Variants in RABGAP1L observed in about 807,000 individuals in gnomAD.
RABGAP1L encodes the protein RAB GTPase activating protein 1 like, also known as rab GTPase-activating protein 1-like.
A neutral mutation model predicts 137.7 loss-of-function variants in RABGAP1L; 63 were observed. That is an observed-to-expected ratio of 0.46 (90% CI 0.37 to 0.56). RABGAP1L has a LOEUF of 0.56. Ranked by LOEUF, RABGAP1L falls within the 20% of genes least tolerant of loss-of-function variation. The pLI is 0.00. For missense variants in RABGAP1L, 1,095 were observed against 1,244.0 expected (o/e 0.88, Z 1.80); for synonymous variants, 431 against 433.7 (o/e 0.99, Z 0.08).
chr1:174,225,494 C>CTTTTTTTTTTTTTTTTTTTTTTTTTTTT (rs59323156), intron 3 of RABGAP1L, among the ~76,000 whole-genome samples: 1 of 105,732 alleles, frequency 9.5e-6, no homozygotes, highest in African/African-American at 3.5e-5. Context: ...AGAATGTTGA[C>CTTTTTTTTTTTTTTTTTTTTTTTTTTTT]TTTTTTTTTT....
chr1:174,514,247 CA>C (rs776487855), intron 13 of RABGAP1L, among the ~76,000 whole-genome samples: 7,291 of 81,140 alleles, frequency 0.09, 197 homozygotes, highest in African/African-American at 0.2. Context: ...TATTTTAAGC[CA>C]AAAAAAAAAA....
At chr1:174,928,171 T>C (rs1471652600) in intron 19 of RABGAP1L, among the ~76,000 whole-genome samples, 3 of 152,148 alleles carry the variant, frequency 2.0e-5, no homozygotes, top group Non-Finnish European at 2.9e-5. Flanking sequence ...GGGGCCTTTA[T>C]TTAGCATTCC....
At chr1:174,983,925 T>C (rs542802198) in intron 24 of RABGAP1L, among the ~76,000 whole-genome samples, 1 of 152,286 alleles carries the variant, frequency 6.6e-6, no homozygotes, top group East Asian at 1.9e-4. Flanking sequence ...GGTCTACTTT[T>C]GCACTTCTTT....
chr1:174,958,508 T>G (rs1338674675), intron 20 of RABGAP1L, among the ~76,000 whole-genome samples: 3 of 152,214 alleles, frequency 2.0e-5, no homozygotes, highest in Non-Finnish European at 2.9e-5. Context: ...TTTTCAGCAC[T>G]GAGCAGCAGT....
intron 13 of RABGAP1L, among the ~76,000 whole-genome samples, chr1:174,488,481 TTAAC>T (rs774236566): frequency 2.6e-5 from 4 of 152,272 alleles, no homozygotes; most frequent in Admixed American, 6.5e-5. Flanking sequence ...CTTTGGGAGT[TTAAC>T]TATTAAATGT....
chr1:174,446,893 T>C (rs947558356), intron 13 of RABGAP1L, among the ~76,000 whole-genome samples: 4 of 152,178 alleles, frequency 2.6e-5, no homozygotes, highest in African/African-American at 9.6e-5. Context: ...CTATTAGAAA[T>C]ACCTAAGTAA....
At chr1:174,258,381 C>A (rs1673296258) in intron 7 of RABGAP1L, among the ~76,000 whole-genome samples, 1 of 152,072 alleles carries the variant, frequency 6.6e-6, no homozygotes, top group Admixed American at 6.5e-5. Flanking sequence ...ATTGCCTAGG[C>A]TCAAGCGATC....
chr1:174,717,231 G>A (rs905063877), intron 17 of RABGAP1L, among the ~76,000 whole-genome samples: 13 of 152,050 alleles, frequency 8.5e-5, no homozygotes, highest in Non-Finnish European at 1.3e-4. Context: ...TCAACGTGGC[G>A]AGACCCTGTG....
intron 13 of RABGAP1L, among the ~76,000 whole-genome samples, chr1:174,585,437 A>G (rs1027138361): frequency 7.2e-5 from 11 of 152,156 alleles, no homozygotes; most frequent in African/African-American, 2.7e-4. Context: ...AAATAAATCA[A>G]GTTTTCCCCA....
At chr1:174,578,260 T>G (rs995036804) in intron 13 of RABGAP1L, among the ~76,000 whole-genome samples, 30 of 152,178 alleles carry the variant, frequency 2.0e-4, no homozygotes, top group African/African-American at 6.5e-4. Flanking sequence ...TCAGGACTCA[T>G]TGCAGCCTTG....
intron 15 of RABGAP1L, among the ~76,000 whole-genome samples, chr1:174,694,380 T>C (rs1426931534): frequency 3.0e-5 from 4 of 134,468 alleles, no homozygotes; most frequent in African/African-American, 1.1e-4. Context: ...CCCCAGAGTG[T>C]GATGTTCCCC....
intron 19 of RABGAP1L, among the ~76,000 whole-genome samples, chr1:174,857,358 C>G (rs1489333925): frequency 6.6e-6 from 1 of 152,062 alleles, no homozygotes; most frequent in Non-Finnish European, 1.5e-5. Context: ...CTGTTGCTAC[C>G]CTCTCCATTT....
At chr1:174,652,089 G>A (rs141229317) in intron 14 of RABGAP1L, among the ~76,000 whole-genome samples, 2 of 152,010 alleles carry the variant, frequency 1.3e-5, no homozygotes, top group Non-Finnish European at 2.9e-5. Flanking sequence ...TCTCCTTCAC[G>A]TATGAAGCTT....
intron 14 of RABGAP1L, 120 bp from the exon 15 acceptor site, chr1:174,683,399 AGAC>A: frequency 1.5e-6 from 1 of 671,470 alleles, no homozygotes. Context: ...TCAAGTTGAA[AGAC>A]CAGTGGAATT....
intron 3 of RABGAP1L, among the ~76,000 whole-genome samples, chr1:174,222,496 GA>G (rs1558044250): frequency 6.6e-6 from 1 of 152,116 alleles, no homozygotes; most frequent in Non-Finnish European, 1.5e-5. Flanking sequence ...GGTGAAGAGT[GA>G]AAAAGTATCA....
chr1:174,431,466 A>G (rs1214483202), intron 13 of RABGAP1L, among the ~76,000 whole-genome samples: 1 of 152,170 alleles, frequency 6.6e-6, no homozygotes, highest in Non-Finnish European at 1.5e-5. Context: ...CTGTTGCCAT[A>G]CTAAAACAGG....
chr1:174,923,657 G>A (rs2149236781), intron 19 of RABGAP1L, among the ~76,000 whole-genome samples: 1 of 151,702 alleles, frequency 6.6e-6, no homozygotes, highest in Non-Finnish European at 1.5e-5. Flanking sequence ...CCAGGCGGGT[G>A]GATCACTTGA....
intron 13 of RABGAP1L, among the ~76,000 whole-genome samples, chr1:174,487,343 C>T (rs1231147051): frequency 6.6e-6 from 1 of 152,116 alleles, no homozygotes; most frequent in Non-Finnish European, 1.5e-5. Flanking sequence ...ATTGTTATAT[C>T]CTTTTGCAGA....
chr1:174,598,332 A>G (rs1670135610), intron 13 of RABGAP1L, among the ~76,000 whole-genome samples: 1 of 146,880 alleles, frequency 6.8e-6, no homozygotes, highest in African/African-American at 2.7e-5. Flanking sequence ...GTCTCAAAAA[A>G]AAAAAAAAAA....
Sources: allele counts gnomAD v4.1 joint callset (sites outside exome capture counted in the v4.1 genomes callset), GRCh38; gene constraint gnomAD v4.1.1; transcripts MANE v1.5; gene names NCBI Gene and HGNC (gene_info 2026-07-23, HGNC 2026-07-21).